The following SMURF2 variants were observed in gnomAD, a reference collection of about 807,000 sequenced individuals.
SMURF2 encodes E3 ubiquitin-protein ligase SMURF2.
A neutral mutation model predicts 109.6 loss-of-function variants in SMURF2; 48 were observed. That is an observed-to-expected ratio of 0.44 (90% CI 0.35 to 0.56). The LOEUF is 0.56. Ranked by LOEUF, SMURF2 falls within the 20% of genes least tolerant of loss-of-function variation. The pLI, the probability that SMURF2 is intolerant of heterozygous loss-of-function variation, is 0.01. For missense variants in SMURF2, 575 were observed against 909.0 expected (o/e 0.63, Z 4.72); for synonymous variants, 288 against 317.1 (o/e 0.91, Z 0.97).
At chr17:64,642,671 AAC>A (rs1263190834) in intron 1 of SMURF2, among the ~76,000 whole-genome samples, 2 of 152,236 alleles carry the variant, frequency 1.3e-5, no homozygotes, top group African/African-American at 4.8e-5. Flanking sequence ...TCATTTAATT[AAC>A]ACATATCTAT....
At chr17:64,553,575 A>G (rs1314127266) in intron 15 of SMURF2, among the ~76,000 whole-genome samples, 3 of 152,198 alleles carry the variant, frequency 2.0e-5, no homozygotes, top group African/African-American at 7.2e-5. Flanking sequence ...TAATTCTTCT[A>G]AGACTTACTT....
intron 5 of SMURF2, among the ~76,000 whole-genome samples, chr17:64,590,404 A>G (rs1222283891): frequency 6.6e-6 from 1 of 151,986 alleles, no homozygotes; most frequent in Non-Finnish European, 1.5e-5. Flanking sequence ...CAGCCTCCCA[A>G]AGTGCTGGGA....
chr17:64,581,010 G>C lies in SMURF2; in HGVS notation c.570-19C>G, dbSNP rs782343681. ...TGCCGGTCTATTGAAAATTAACAAG[G>C]AAAAGATGTTATCAATTTAGATATC... On this transcript the variant is annotated intron_variant, in intron 7 of 18. Transcript: ENST00000262435. The surrounding 1 kb of genome is among the most constrained non-coding windows in gnomAD (Gnocchi z 4.3). The C allele has an allele frequency of 6.2e-7, 1 of 1,610,592 alleles. No individual in the cohort carries two copies. The highest frequency in any genetic ancestry group is 1.1e-5 in the South Asian group (1 of 91,000).
chr17:64,646,809 C>G (rs1422331560), intron 1 of SMURF2, among the ~76,000 whole-genome samples: 1 of 152,190 alleles, frequency 6.6e-6, no homozygotes, highest in Non-Finnish European at 1.5e-5. Flanking sequence ...ACTGCCTTCT[C>G]ACCAACATTC....
intron 1 of SMURF2, among the ~76,000 whole-genome samples, chr17:64,659,700 T>C (rs1438903595): frequency 2.0e-5 from 3 of 152,158 alleles, no homozygotes; most frequent in Non-Finnish European, 4.4e-5. Flanking sequence ...TTAATGTTTA[T>C]GTCCTAAAAA....
chr17:64,652,767 G>A (rs1478935856), intron 1 of SMURF2, among the ~76,000 whole-genome samples: 2 of 152,052 alleles, frequency 1.3e-5, no homozygotes, highest in African/African-American at 2.4e-5. Context: ...ATGAGCAACC[G>A]CACCTGGCCT....
chr17:64,596,427 G>A (rs1244886048), intron 3 of SMURF2, among the ~76,000 whole-genome samples: 1 of 151,686 alleles, frequency 6.6e-6, no homozygotes. Flanking sequence ...AACATTTGGA[G>A]GTAAAGTGAT....
chr17:64,589,395 T>G (rs1303788850), intron 5 of SMURF2, among the ~76,000 whole-genome samples: 2 of 151,364 alleles, frequency 1.3e-5, no homozygotes, highest in African/African-American at 4.8e-5. Flanking sequence ...TTTTTGAGTT[T>G]TTTTTTTTTT....
At chr17:64,599,615 A>G (rs1261575767) in intron 2 of SMURF2, among the ~76,000 whole-genome samples, 3 of 152,200 alleles carry the variant, frequency 2.0e-5, no homozygotes, top group African/African-American at 7.2e-5. Context: ...CAGCGGCAGC[A>G]TTAGATGCTC....
chr17:64,612,738 C>T (rs930976981), intron 1 of SMURF2, among the ~76,000 whole-genome samples: 2 of 151,438 alleles, frequency 1.3e-5, no homozygotes, highest in Non-Finnish European at 2.9e-5. Flanking sequence ...CATACTTATC[C>T]GGTCGTGTTT....
intron 1 of SMURF2, among the ~76,000 whole-genome samples, chr17:64,645,186 T>C (rs1304219002): frequency 1.3e-5 from 2 of 152,132 alleles, no homozygotes; most frequent in Non-Finnish European, 2.9e-5. Context: ...AGTGGTATGA[T>C]GGGAAGGCTA....
intron 1 of SMURF2, among the ~76,000 whole-genome samples, chr17:64,615,683 T>C (rs1970111111): frequency 6.6e-6 from 1 of 152,210 alleles, no homozygotes; most frequent in Non-Finnish European, 1.5e-5. Flanking sequence ...CAAGGTGTTA[T>C]TACAAAATGT....
chr17:64,546,973 C>G (rs945999276), intron 17 of SMURF2, among the ~76,000 whole-genome samples: 1 of 151,716 alleles, frequency 6.6e-6, no homozygotes, highest in African/African-American at 2.4e-5. Context: ...TGTCCTTATT[C>G]ATCACCAGCA....
At chr17:64,641,388 T>TGCCACC (rs1970491338) in intron 1 of SMURF2, among the ~76,000 whole-genome samples, 1 of 152,216 alleles carries the variant, frequency 6.6e-6, no homozygotes, top group Non-Finnish European at 1.5e-5. Flanking sequence ...CTGCTGCCAC[T>TGCCACC]GCCACCACCT....
At chr17:64,583,893 G>C (rs949855897) in intron 6 of SMURF2, among the ~76,000 whole-genome samples, 1 of 151,688 alleles carries the variant, frequency 6.6e-6, no homozygotes, top group African/African-American at 2.4e-5. Context: ...GAGGTCTCTT[G>C]ACTTCGTGAT....
chr17:64,605,111 G>C (rs2144672987), intron 2 of SMURF2, among the ~76,000 whole-genome samples: 1 of 152,166 alleles, frequency 6.6e-6, no homozygotes, highest in East Asian at 1.9e-4. Flanking sequence ...GGATGAGGTA[G>C]GAAGTGAGCA....
At chr17:64,655,674 G>A (rs1403027684) in intron 1 of SMURF2, among the ~76,000 whole-genome samples, 2 of 151,944 alleles carry the variant, frequency 1.3e-5, no homozygotes, top group Non-Finnish European at 2.9e-5. Flanking sequence ...ATCACTTGAG[G>A]TCAGGAGTTC....
At chr17:64,628,581 A>G (rs528398545) in intron 1 of SMURF2, among the ~76,000 whole-genome samples, 1 of 152,156 alleles carries the variant, frequency 6.6e-6, no homozygotes, top group African/African-American at 2.4e-5. Context: ...GGAACTTGCA[A>G]TTTCAACGAG....
chr17:64,605,281 T>C (rs1969953221), intron 2 of SMURF2, among the ~76,000 whole-genome samples: 1 of 152,158 alleles, frequency 6.6e-6, no homozygotes, highest in South Asian at 2.1e-4. Context: ...AATTATCCTA[T>C]TTGCTTTCTC....
Sources: allele counts gnomAD v4.1 joint callset (sites outside exome capture counted in the v4.1 genomes callset), GRCh38; gene constraint gnomAD v4.1.1; non-coding constraint Gnocchi (gnomAD v3.1); transcripts MANE v1.5; gene names NCBI Gene and HGNC (gene_info 2026-07-23, HGNC 2026-07-21).